Variants in ADAMTSL3 observed in about 807,000 individuals in gnomAD.
ADAMTSL3 encodes the protein ADAMTS-like protein 3.
ADAMTSL3 carries 128 observed loss-of-function variants against 201.7 expected under a neutral mutation model. That is an observed-to-expected ratio of 0.63 (90% CI 0.55 to 0.73). The LOEUF is 0.73. Among genes scored for constraint, ADAMTSL3 ranks in the 30% least tolerant of loss-of-function variants. The pLI is 0.00. For synonymous variants in ADAMTSL3, 738 were observed against 748.4 expected (o/e 0.99, Z 0.23); for missense variants, 1,990 against 2,119.6 (o/e 0.94, Z 1.20).
In ADAMTSL3 at chr15:83,674,756, C is replaced by T. The variant is rs1490856813; in HGVS notation, c.69+18926C>T. Among the ~76,000 whole-genome samples, 545 of 98,368 alleles carry T rather than the reference C, an allele frequency of 5.5e-3. 6 individuals carry two copies. The highest frequency in any genetic ancestry group is 6.6e-3 in the Admixed American group (58 of 8,738). The allele number at this position is 98,368 out of a possible 152,430, so 64.5% of individuals were successfully genotyped here. On this transcript the variant is annotated intron_variant, in intron 2 of 29. Transcript: ENST00000286744. ...ATACACACATATATACATATATACA[C>T]ACATATATACATATATATATATATA...
At chr15:83,823,893 C>CTCTTCTTCTTCTTCTTCT (rs759090787) in intron 6 of ADAMTSL3, among the ~76,000 whole-genome samples, 12 of 93,104 alleles carry the variant, frequency 1.3e-4, no homozygotes, top group Non-Finnish European at 1.4e-4. Context: ...CTTCTTCTTC[C>CTCTTCTTCTTCTTCTTCT]TCTTCTTCTT....
rs746207651 is a variant in ADAMTSL3 at position 83,998,028 on chromosome 15, GA to G, written c.3973+6826del. The stretch of plus-strand genomic sequence containing the variant: ...CTAGTATTGGGAGGGAATCTAGGAA[GA>G]AAAAAAAAAAACAAAAAAACTCTCT... On this transcript the variant is annotated intron_variant, in intron 23 of 29. Coordinates refer to ENST00000286744, the MANE Select transcript of ADAMTSL3 (RefSeq NM_207517.3). 3.0e-3 allele frequency among the ~76,000 whole-genome samples: 398 copies of G among 130,658 alleles called. 14 individuals carry two copies. The East Asian group carries it at 0.07, about 23-fold the overall frequency. The allele number at this position is 130,658 out of a possible 152,430, so 85.7% of individuals were successfully genotyped here.
chr15:83,709,228 AT>A (rs1179843324), intron 3 of ADAMTSL3, among the ~76,000 whole-genome samples: 3 of 151,730 alleles, frequency 2.0e-5, no homozygotes, highest in Admixed American at 6.6e-5. Context: ...AGAAGCCACA[AT>A]TTTTTTTTGA....
intron 7 of ADAMTSL3, among the ~76,000 whole-genome samples, chr15:83,854,832 T>A (rs1021120274): frequency 6.6e-6 from 1 of 152,234 alleles, no homozygotes; most frequent in Admixed American, 6.5e-5. Flanking sequence ...AATATTCTTT[T>A]TGGGTTTCAA....
chr15:83,681,240 C>G (rs1022627823), intron 2 of ADAMTSL3, among the ~76,000 whole-genome samples: 2 of 152,204 alleles, frequency 1.3e-5, no homozygotes, highest in Non-Finnish European at 2.9e-5. Context: ...CTCCTCAGTG[C>G]TGTTGCCATC....
intron 15 of ADAMTSL3, among the ~76,000 whole-genome samples, chr15:83,905,551 A>G (rs1242097715): frequency 6.6e-6 from 1 of 152,204 alleles, no homozygotes; most frequent in African/African-American, 2.4e-5. Flanking sequence ...TCCATGGTTC[A>G]CTAAGGAGCT....
At chr15:83,805,126 T>G (rs1014434309) in intron 5 of ADAMTSL3, among the ~76,000 whole-genome samples, 1 of 152,200 alleles carries the variant, frequency 6.6e-6, no homozygotes, top group Non-Finnish European at 1.5e-5. Flanking sequence ...CTTGAACTGG[T>G]CTGTTGTTAT....
chr15:83,906,367 C>T (rs1567227695), intron 15 of ADAMTSL3, among the ~76,000 whole-genome samples: 1 of 152,052 alleles, frequency 6.6e-6, no homozygotes, highest in African/African-American at 2.4e-5. Context: ...TCTTCCCATT[C>T]AGGGGCATGT....
At chr15:83,887,682 T>A (rs761963485) in intron 10 of ADAMTSL3, among the ~76,000 whole-genome samples, 36 of 152,198 alleles carry the variant, frequency 2.4e-4, no homozygotes, top group Non-Finnish European at 3.7e-4. Context: ...CTCAAACTCC[T>A]GGGCTCAAGC....
chr15:83,704,965 AGTGTGTGTGTGTGT>A (rs10536633), intron 3 of ADAMTSL3, among the ~76,000 whole-genome samples: 2 of 147,580 alleles, frequency 1.4e-5, no homozygotes, highest in Admixed American at 6.7e-5. Context: ...TATGTCTGTG[AGTGTGTGTGTGTGT>A]GTGTGTGTGT....
At position 83,752,359 on chromosome 15, in the gene ADAMTSL3, T is replaced by TA. The variant is rs201709859; in HGVS notation, c.190-21157dup. On this transcript the variant is annotated intron_variant, in intron 3 of 29. Transcript: ENST00000286744. ...TGATTTTGAAAGTTTGAATTCTATT[T>TA]AAAAAAATCCCATACTGGATATTAC... is the stretch of plus-strand genomic sequence containing the variant. Among the ~76,000 whole-genome samples the TA allele has an allele frequency of 7.6e-3, 1,151 of 152,226 alleles. 7 individuals carry two copies. The highest frequency in any genetic ancestry group is 0.021 in the Middle Eastern group (6 of 292).
intron 6 of ADAMTSL3, among the ~76,000 whole-genome samples, chr15:83,829,586 TCTTG>T (rs1341520660): frequency 5.3e-5 from 8 of 152,220 alleles, no homozygotes; most frequent in Non-Finnish European, 7.3e-5. Context: ...ATGTGCTTGC[TCTTG>T]CTTCTCTAGT....
chr15:83,791,136 A>G (rs570132772), intron 4 of ADAMTSL3, among the ~76,000 whole-genome samples: 6 of 150,416 alleles, frequency 4.0e-5, no homozygotes, highest in African/African-American at 1.4e-4. Context: ...ATTGGAAAAA[A>G]TAATATTAAA....
chr15:84,026,629 GAGATAAA>G (rs2068313113), intron 27 of ADAMTSL3, among the ~76,000 whole-genome samples: 2 of 152,126 alleles, frequency 1.3e-5, no homozygotes, highest in African/African-American at 4.8e-5. Context: ...ATTGAGTCCA[GAGATAAA>G]CCCATATATA....
chr15:83,893,884 C>T (rs572013289), intron 13 of ADAMTSL3, among the ~76,000 whole-genome samples: 1 of 152,292 alleles, frequency 6.6e-6, no homozygotes, highest in South Asian at 2.1e-4. Context: ...ATGTAGTTGA[C>T]TCAAGTTTCT....
intron 9 of ADAMTSL3, among the ~76,000 whole-genome samples, chr15:83,883,601 A>ACT (rs1054224375): frequency 6.7e-6 from 1 of 148,856 alleles, no homozygotes. Flanking sequence ...TGTTTCCCAG[A>ACT]CTGGAGTGCA....
chr15:83,886,698 A>G (rs926852732), intron 10 of ADAMTSL3, among the ~76,000 whole-genome samples: 6 of 152,190 alleles, frequency 3.9e-5, no homozygotes, highest in Non-Finnish European at 5.9e-5. Flanking sequence ...AGCCTACCGC[A>G]TATCAATTTA....
rs115904426 is a variant in ADAMTSL3 at position 84,014,713 on chromosome 15, T to A, written c.4145T>A (p.Leu1382His). Residue 1382 changes from leucine (L) to histidine (H), a missense_variant, in exon 24 of 30, where the codon CTC becomes CAC. Leu to His is a moderately conservative substitution (Grantham distance 99). Transcript: ENST00000286744. ...ALGKAVATSV[L>H]HLLERRWPES... The stretch of plus-strand genomic sequence containing the variant: ...GGAAAGGCAGTGGCAACATCTGTAC[T>A]CCACTTGCTGGGTAAGTGTCAAATT... The A allele has an allele frequency of 1.1e-4, 172 of 1,610,492 alleles. 1 individual carries two copies. The African/African-American group carries it at 2.1e-3, about 20-fold the overall frequency.
intron 7 of ADAMTSL3, 103 bp from the exon 8 acceptor site, chr15:83,858,663 G>C: frequency 1.2e-6 from 1 of 859,770 alleles, no homozygotes; most frequent in East Asian, 2.6e-5. Flanking sequence ...ATGAAATATA[G>C]TTAAGAATAT....
Sources: allele counts gnomAD v4.1 joint callset (sites outside exome capture counted in the v4.1 genomes callset), GRCh38; gene constraint gnomAD v4.1.1; transcripts MANE v1.5; gene names NCBI Gene and HGNC (gene_info 2026-07-23, HGNC 2026-07-21).